ADGRL3: variants seen among roughly 807,000 people sequenced by gnomAD.
ADGRL3 encodes calcium-independent alpha-latrotoxin receptor 3.
ADGRL3 carries 62 observed loss-of-function variants against 153.5 expected under a neutral mutation model. The ratio of observed to expected loss-of-function variants is 0.40; its 90% CI spans 0.33 to 0.50. The LOEUF (loss-of-function observed/expected upper bound fraction) is 0.50, where lower values mean the gene tolerates loss of function less well. ADGRL3 is among the 20% of genes least tolerant of loss of function. The pLI is 0.47. For synonymous variants in ADGRL3, 710 were observed against 672.5 expected (o/e 1.06, Z -0.86); for missense variants, 1,641 against 1,859.4 (o/e 0.88, Z 2.16).
At chr4:62,026,628 A>G (rs1718739983) in intron 21 of ADGRL3, among the ~76,000 whole-genome samples, 1 of 152,082 alleles carries the variant, frequency 6.6e-6, no homozygotes. Flanking sequence ...TAGTACAGAG[A>G]TAGAGAACAA....
At chr4:61,390,372 C>T (rs1241953291) in intron 2 of ADGRL3, among the ~76,000 whole-genome samples, 1 of 151,984 alleles carries the variant, frequency 6.6e-6, no homozygotes, top group Non-Finnish European at 1.5e-5. Flanking sequence ...TTATGATGGT[C>T]CAAAAAAGGC....
Position 61,733,419 on chromosome 4 carries a change from G to A in ADGRL3, c.1264G>A (p.Asp422Asn), listed in dbSNP as rs572538890. The A allele has an allele frequency of 1.2e-6, 2 of 1,613,698 alleles. No homozygotes were observed. Among genetic ancestry groups the A allele is most frequent in the East Asian group, 2.2e-5 (1 of 44,856 alleles). The change falls in exon 8 of 27, where the codon GAT becomes AAT. Residue 422 changes from aspartate (D) to asparagine (N), a missense_variant. By Grantham distance (23) the Asp-to-Asn change is conservative. Transcript: ENST00000683033. ...NTDQSKDSLV[D>N]VPFPNSYQYI... ...TGACCAAAGCAAGGATAGTTTGGTG[G>A]ATGTACCCTTTCCTAATTCATACCA... is the stretch of plus-strand genomic sequence containing the variant.
chr4:61,534,207 T>A (rs2098641117), intron 4 of ADGRL3, among the ~76,000 whole-genome samples: 5 of 152,202 alleles, frequency 3.3e-5, no homozygotes, highest in Admixed American at 3.3e-4. Flanking sequence ...TAAGGTGTCC[T>A]TTCTCCATTG....
rs576959488 is a variant in ADGRL3 at position 61,850,737 on chromosome 4, G to T, written c.1480+36848G>T. On this transcript the variant is annotated intron_variant, in intron 9 of 26. Coordinates refer to ENST00000683033, the MANE Select transcript of ADGRL3 (RefSeq NM_001387552.1). The stretch of plus-strand genomic sequence containing the variant: ...CTTAATAATAGCTATCAATATTTTG[G>T]ATGTTACAGAAGGATTGTAGTTAAG... Among the ~76,000 whole-genome samples, 48 of 152,210 alleles carry T rather than the reference G, an allele frequency of 3.2e-4. No homozygotes were observed. The East Asian group carries it at 7.7e-3, about 24-fold the overall frequency.
rs150924728 is a variant in ADGRL3, at chr4:61,674,842, C to G, written c.474-1984C>G. On this transcript the variant is annotated intron_variant, in intron 5 of 26. Transcript: ENST00000683033. Reference sequence around the variant, plus strand: ...ATAATTTCTTTGTAATACGAAAGATCTACTATTTTAAGAAGGTGTGAGTAC... The same window carrying G: ...ATAATTTCTTTGTAATACGAAAGATGTACTATTTTAAGAAGGTGTGAGTAC... 6.1e-4 allele frequency among the ~76,000 whole-genome samples: 92 copies of G among 151,704 alleles called. 1 individual carries two copies. The East Asian group carries it at 0.016, about 27-fold the overall frequency.
chr4:61,353,168 TA>T (rs561044082), intron 1 of ADGRL3, among the ~76,000 whole-genome samples: 154 of 152,312 alleles, frequency 1.0e-3, no homozygotes, highest in Middle Eastern at 3.4e-3. Context: ...CTATTTTGAA[TA>T]AGTAAATAAA....
chr4:61,281,160 T>C (rs2093707194), intron 1 of ADGRL3, among the ~76,000 whole-genome samples: 1 of 149,182 alleles, frequency 6.7e-6, no homozygotes. Context: ...GTAATAAAAC[T>C]ATTTTCAGTT....
chr4:61,250,179 G>T (rs908813915), intron 1 of ADGRL3, among the ~76,000 whole-genome samples: 1 of 152,138 alleles, frequency 6.6e-6, no homozygotes, highest in African/African-American at 2.4e-5. Context: ...TTTGCCACAG[G>T]GTTGATAAAT....
chr4:61,358,381 A>G (rs936978949), intron 1 of ADGRL3, among the ~76,000 whole-genome samples: 1 of 152,044 alleles, frequency 6.6e-6, no homozygotes, highest in African/African-American at 2.4e-5. Flanking sequence ...GCGGATCACG[A>G]GGTCAGGAGA....
chr4:61,861,228 T>C (rs1581188347), intron 9 of ADGRL3, among the ~76,000 whole-genome samples: 1 of 152,170 alleles, frequency 6.6e-6, no homozygotes, highest in African/African-American at 2.4e-5. Flanking sequence ...ATATTTGAAT[T>C]TATATCCAGT....
At chr4:61,968,278 C>T (rs140894010) in intron 17 of ADGRL3, among the ~76,000 whole-genome samples, 177 of 152,234 alleles carry the variant, frequency 1.2e-3, no homozygotes, top group African/African-American at 3.9e-3. Flanking sequence ...AAAAATGAGT[C>T]GTTTTTTCAC....
intron 2 of ADGRL3, among the ~76,000 whole-genome samples, chr4:61,429,662 A>G (rs1042818891): frequency 2.0e-4 from 30 of 152,106 alleles, no homozygotes; most frequent in African/African-American, 7.2e-4. Flanking sequence ...ATAAATGATT[A>G]CATTTTTTGT....
Position 61,705,498 on chromosome 4 carries a change from A to T in ADGRL3, c.584-25124A>T, listed in dbSNP as rs557983864. Among the ~76,000 whole-genome samples, 320 of 147,670 alleles carry T rather than the reference A, an allele frequency of 2.2e-3. 5 individuals carry two copies. Among genetic ancestry groups the T allele is most frequent in the African/African-American group, 7.3e-3 (296 of 40,690 alleles). ...TTACATATAGTTATACATATATTTT[A>T]TATATATATATATATTTGAGACAGA... On this transcript the variant is annotated intron_variant, in intron 6 of 26. Coordinates refer to ENST00000683033, the MANE Select transcript of ADGRL3 (RefSeq NM_001387552.1).
rs1577830325 is a variant in ADGRL3, at chr4:61,200,421, C to T, written c.-1584C>T. 6.6e-6 allele frequency among the ~76,000 whole-genome samples: 1 copy of T among 151,250 alleles called. No homozygotes were observed. Among genetic ancestry groups the T allele is most frequent in the Admixed American group, 6.6e-5 (1 of 15,130 alleles). Reference sequence around the variant, plus strand: ...GCTCTGACCCGCTGTCTGCGCGTCGCCCCCCTCGCCTGCTGGCCCGGCACC... The same window carrying T: ...GCTCTGACCCGCTGTCTGCGCGTCGTCCCCCTCGCCTGCTGGCCCGGCACC... On this transcript the variant is annotated 5_prime_UTR_variant, in exon 1 of 27. Transcript: ENST00000683033.
intron 17 of ADGRL3, among the ~76,000 whole-genome samples, chr4:61,963,528 C>T (rs2098995906): frequency 6.6e-6 from 1 of 152,078 alleles, no homozygotes; most frequent in Admixed American, 6.6e-5. Context: ...GTTTTCTCTT[C>T]CTGCATTAAG....
At chr4:61,547,609 C>T (rs1008729375) in intron 4 of ADGRL3, among the ~76,000 whole-genome samples, 3 of 152,002 alleles carry the variant, frequency 2.0e-5, no homozygotes, top group African/African-American at 7.2e-5. Flanking sequence ...TTTATGGCTG[C>T]ATAGTTTTCC....
intron 2 of ADGRL3, among the ~76,000 whole-genome samples, chr4:61,414,517 C>T (rs750445921): frequency 6.6e-6 from 1 of 152,044 alleles, no homozygotes; most frequent in African/African-American, 2.4e-5. Context: ...AGATGAGTTA[C>T]TTCAGATAAC....
intron 1 of ADGRL3, among the ~76,000 whole-genome samples, chr4:61,216,167 A>G (rs1742688691): frequency 6.6e-6 from 1 of 152,186 alleles, no homozygotes; most frequent in Non-Finnish European, 1.5e-5. Flanking sequence ...TGGTAATAGC[A>G]TATTTTAAAA....
intron 5 of ADGRL3, among the ~76,000 whole-genome samples, chr4:61,603,298 C>G (rs1485123400): frequency 6.6e-6 from 1 of 152,134 alleles, no homozygotes; most frequent in African/African-American, 2.4e-5. Flanking sequence ...CATTTTTTAA[C>G]TTAGCGGGCT....
Sources: gnomAD v4.1 joint callset for allele counts (sites outside exome capture counted in the v4.1 genomes callset) on GRCh38, gnomAD v4.1.1 for gene constraint, MANE v1.5 for transcripts, NCBI Gene and HGNC (gene_info 2026-07-23, HGNC 2026-07-21) for gene names.